PPARGC1A: variants seen among roughly 807,000 people sequenced by gnomAD.
PPARGC1A encodes the protein PPARG coactivator 1 alpha.
Under a neutral mutation model 88.7 loss-of-function variants are expected in PPARGC1A, and 25 were observed. The ratio of observed to expected loss-of-function variants is 0.28; its 90% confidence interval spans 0.21 to 0.39. The LOEUF is 0.39. Among genes scored for constraint, PPARGC1A ranks in the 10% least tolerant of loss-of-function variants. The probability of loss-of-function intolerance (pLI) is 1.00; values close to 1 mark genes in which losing one functional copy is unlikely to be tolerated. For missense variants in PPARGC1A, 880 were observed against 968.7 expected (o/e 0.91, Z 1.22); for synonymous variants, 363 against 355.6 (o/e 1.02, Z -0.24).
the PPARGC1A span, among the ~76,000 whole-genome samples, chr4:24,237,092 T>G: frequency 6.6e-6 from 1 of 152,206 alleles, no homozygotes; most frequent in Admixed American, 6.5e-5. Flanking sequence ...TTTTGTAGCT[T>G]GGTACTATGG....
At chr4:24,006,099 A>G in the PPARGC1A span, among the ~76,000 whole-genome samples, 1 of 152,082 alleles carries the variant, frequency 6.6e-6, no homozygotes, top group Non-Finnish European at 1.5e-5. Context: ...CACCCAGGCT[A>G]GAGTGCAGTG....
At chr4:23,887,820 C>G (rs1717161544) in intron 1 of PPARGC1A, among the ~76,000 whole-genome samples, 2 of 151,724 alleles carry the variant, frequency 1.3e-5, no homozygotes, top group Non-Finnish European at 1.5e-5. Flanking sequence ...AAACTGGGTT[C>G]TTAAAAAAAT....
chr4:24,326,457 T>A, the PPARGC1A span, among the ~76,000 whole-genome samples: 1 of 152,304 alleles, frequency 6.6e-6, no homozygotes, highest in Non-Finnish European at 1.5e-5. Context: ...GTTCTGGATC[T>A]CAAACATGCT....
At chr4:23,867,880 AACT>A (rs1204398381) in intron 2 of PPARGC1A, among the ~76,000 whole-genome samples, 1 of 152,236 alleles carries the variant, frequency 6.6e-6, no homozygotes, top group Non-Finnish European at 1.5e-5. Context: ...TAAACGAGGA[AACT>A]ACAACAACAA....
chr4:23,906,999 A>T (rs1027158093), upstream of PPARGC1A, among the ~76,000 whole-genome samples: 1 of 152,194 alleles, frequency 6.6e-6, no homozygotes, highest in African/African-American at 2.4e-5. Context: ...TAAGCTCCAG[A>T]GTGCCTGGGT....
At chr4:24,193,425 C>T in the PPARGC1A span, among the ~76,000 whole-genome samples, 1 of 152,158 alleles carries the variant, frequency 6.6e-6, no homozygotes, top group Non-Finnish European at 1.5e-5. Context: ...TCTCACCTCT[C>T]CCCAGCCTTC....
At chr4:24,304,430 T>G in the PPARGC1A span, among the ~76,000 whole-genome samples, 20 of 152,174 alleles carry the variant, frequency 1.3e-4, no homozygotes, top group African/African-American at 4.1e-4. Context: ...GTTGTTTAAT[T>G]TAATTTCATC....
At position 23,802,353 on chromosome 4, in the gene PPARGC1A, G is replaced by A. The variant is rs866206548; in HGVS notation, c.2020-8C>T. 2.5e-6 allele frequency: 4 copies of A among 1,613,944 alleles called. No homozygotes were observed. Among genetic ancestry groups the A allele is most frequent in the Non-Finnish European group, 3.4e-6 (4 of 1,179,908 alleles). On this transcript the variant is annotated splice_region_variant and splice_polypyrimidine_tract_variant and intron_variant, in intron 10 of 12. Transcript: ENST00000264867. ...AATCACACGGCGCTCTTCCTATGGG[G>A]GGAAGGAAGGAGAGAGTTCTGGAGT...
chr4:24,470,420 T>G, the PPARGC1A span, among the ~76,000 whole-genome samples: 7 of 151,844 alleles, frequency 4.6e-5, no homozygotes, highest in Non-Finnish European at 1.0e-4. This position sits in a 1 kb window ranked among gnomAD's most constrained non-coding sequence, Gnocchi z 5.8. Flanking sequence ...CCTGGGCGGA[T>G]GCAAGGAAGC....
chr4:23,941,466 T>C, the PPARGC1A span, among the ~76,000 whole-genome samples: 1 of 152,194 alleles, frequency 6.6e-6, no homozygotes, highest in Non-Finnish European at 1.5e-5. Flanking sequence ...TCAGACTCGA[T>C]CAGATGGGCC....
chr4:24,079,389 A>G, the PPARGC1A span, among the ~76,000 whole-genome samples: 20 of 152,090 alleles, frequency 1.3e-4, no homozygotes, highest in African/African-American at 4.8e-4. Context: ...CATTTTTTTC[A>G]TATATTTATT....
At chr4:23,914,407 A>T in the PPARGC1A span, among the ~76,000 whole-genome samples, 1 of 152,216 alleles carries the variant, frequency 6.6e-6, no homozygotes, top group Non-Finnish European at 1.5e-5. Context: ...TAATCAGCAT[A>T]TAGTGTCTGT....
the PPARGC1A span, among the ~76,000 whole-genome samples, chr4:24,408,545 G>C: frequency 1.3e-5 from 2 of 152,198 alleles, no homozygotes; most frequent in African/African-American, 4.8e-5. Flanking sequence ...TCTAAGCCTA[G>C]GTCATGAGAA....
At chr4:24,415,187 CAA>C in the PPARGC1A span, among the ~76,000 whole-genome samples, 1 of 122,296 alleles carries the variant, frequency 8.2e-6, no homozygotes, top group African/African-American at 3.1e-5. Context: ...GAGACTCTGT[CAA>C]AAAAAAAAAG....
chr4:24,463,500 T>C, the PPARGC1A span, among the ~76,000 whole-genome samples: 15 of 152,206 alleles, frequency 9.9e-5, no homozygotes, highest in Admixed American at 9.8e-4. Flanking sequence ...TTTTCAAAAA[T>C]GACATTGCGG....
chr4:24,141,725 C>A, the PPARGC1A span, among the ~76,000 whole-genome samples: 1 of 152,194 alleles, frequency 6.6e-6, no homozygotes, highest in African/African-American at 2.4e-5. Flanking sequence ...ATCTTGCTTG[C>A]TTGGAGGCAA....
the PPARGC1A span, among the ~76,000 whole-genome samples, chr4:24,240,830 T>C: frequency 6.6e-6 from 1 of 152,084 alleles, no homozygotes; most frequent in African/African-American, 2.4e-5. Context: ...AGGGTCTAAG[T>C]TGGGTACACC....
the PPARGC1A span, among the ~76,000 whole-genome samples, chr4:23,947,631 C>T: frequency 2.0e-5 from 3 of 151,922 alleles, no homozygotes; most frequent in Non-Finnish European, 2.9e-5. Context: ...CCAATAGCCA[C>T]TAAATCAAGA....
the PPARGC1A span, among the ~76,000 whole-genome samples, chr4:24,263,315 G>A: frequency 6.6e-6 from 1 of 152,164 alleles, no homozygotes; most frequent in Non-Finnish European, 1.5e-5. Context: ...AGAGATGCGA[G>A]AGTGCATGGA....
Sources: gnomAD v4.1 joint callset for allele counts (sites outside exome capture counted in the v4.1 genomes callset) on GRCh38, gnomAD v4.1.1 for gene constraint, Gnocchi (gnomAD v3.1) non-coding constraint, MANE v1.5 for transcripts, NCBI Gene and HGNC (gene_info 2026-07-23, HGNC 2026-07-21) for gene names.